The following EIF4G3 variants were observed in gnomAD, a reference collection of about 807,000 sequenced individuals.
EIF4G3 encodes eukaryotic translation initiation factor 4 gamma 3.
In EIF4G3, 34 loss-of-function variants were observed where a neutral mutation model predicts 186.4. That is an observed-to-expected ratio of 0.18 (90% CI 0.14 to 0.24). The LOEUF (loss-of-function observed/expected upper bound fraction) is 0.24, where lower values mean the gene tolerates loss of function less well. EIF4G3 is among the 10% of genes least tolerant of loss of function. EIF4G3 has a pLI of 1.00. For synonymous variants in EIF4G3, 673 were observed against 679.5 expected, an observed-to-expected ratio of 0.99 and a Z score of 0.15; for missense variants, 1,536 against 1,948.5, an observed-to-expected ratio of 0.79 and a Z score of 3.99.
chr1:21,074,131 T>C (rs2095519714), intron 3 of EIF4G3, among the ~76,000 whole-genome samples: 1 of 152,168 alleles, frequency 6.6e-6, no homozygotes. Context: ...TGAGAAAATC[T>C]AGATTCAAGT....
intron 20 of EIF4G3, among the ~76,000 whole-genome samples, chr1:20,877,537 AG>A (rs2154553853): frequency 6.6e-6 from 1 of 152,340 alleles, no homozygotes; most frequent in East Asian, 1.9e-4. Flanking sequence ...GCAACTTAGT[AG>A]GTGCTGAATA....
At chr1:21,041,101 GACT>G (rs2093552639) in intron 4 of EIF4G3, among the ~76,000 whole-genome samples, 1 of 151,896 alleles carries the variant, frequency 6.6e-6, no homozygotes, top group South Asian at 2.1e-4. Context: ...AATTTAATTC[GACT>G]ACATTTTAAT....
At chr1:20,835,408 TA>T (rs2066456625) in intron 30 of EIF4G3, among the ~76,000 whole-genome samples, 1 of 151,352 alleles carries the variant, frequency 6.6e-6, no homozygotes, top group Non-Finnish European at 1.5e-5. Context: ...AATAGACACT[TA>T]AAAAATGAAA....
rs1229792258 is a variant in EIF4G3, at chr1:20,969,509, T to C, written c.679A>G (p.Ile227Val). 5.6e-6 allele frequency: 9 copies of C among 1,613,840 alleles called. No homozygotes were observed. Among genetic ancestry groups the C allele is most frequent in the Non-Finnish European group, 7.6e-6 (9 of 1,179,900 alleles). Residue 227 changes from isoleucine (I) to valine (V), a missense_variant, in exon 12 of 37, where the codon ATA becomes GTA. Physicochemically the swap from Ile to Val is conservative, Grantham distance 29. Transcript: ENST00000602326. The part of the protein sequence containing the change: ...GGGSRNPTPP[I>V]GRPTSTPTPP... The stretch of plus-strand genomic sequence containing the variant: ...GTAGGTGTGGACGTGGGTCTTCCTA[T>C]GGGTGGAGTAGGATTTCTGCTGCCA...
chr1:20,819,954 CAGAG>C (rs888325470), intron 33 of EIF4G3, among the ~76,000 whole-genome samples: 1 of 151,906 alleles, frequency 6.6e-6, no homozygotes, highest in Admixed American at 6.6e-5. Flanking sequence ...GAGAGAGAGA[CAGAG>C]AGAGAGATAC....
chr1:20,843,574 T>C (rs2069523973), intron 29 of EIF4G3, among the ~76,000 whole-genome samples: 1 of 152,186 alleles, frequency 6.6e-6, no homozygotes, highest in Non-Finnish European at 1.5e-5. Context: ...ATGGAAGTGA[T>C]TAAATGTCTT....
At chr1:21,080,387 G>T (rs1223620908) in intron 3 of EIF4G3, among the ~76,000 whole-genome samples, 1 of 151,698 alleles carries the variant, frequency 6.6e-6, no homozygotes, top group Non-Finnish European at 1.5e-5. Flanking sequence ...TCTGTAGTCA[G>T]CTAAAATCAT....
At chr1:20,904,835 A>C in intron 15 of EIF4G3, 48 bp downstream of exon 15, 2 of 1,448,544 alleles carry the variant, frequency 1.4e-6, no homozygotes, top group South Asian at 1.2e-5. Context: ...ATACCTGTCT[A>C]TGAAATGGCA....
At chr1:21,017,078 GATGA>G (rs1311721193) in intron 4 of EIF4G3, among the ~76,000 whole-genome samples, 1 of 152,192 alleles carries the variant, frequency 6.6e-6, no homozygotes, top group African/African-American at 2.4e-5. Context: ...TTCACTGACA[GATGA>G]ATGGACAAGC....
chr1:21,015,209 T>C (rs2088581500), intron 4 of EIF4G3, among the ~76,000 whole-genome samples: 1 of 152,100 alleles, frequency 6.6e-6, no homozygotes, highest in Admixed American at 6.6e-5. Context: ...TGAAAAGTTA[T>C]TTGAAATAAT....
intron 14 of EIF4G3, among the ~76,000 whole-genome samples, chr1:20,909,413 A>T (rs2092813339): frequency 1.3e-5 from 2 of 152,204 alleles, no homozygotes; most frequent in Admixed American, 6.5e-5. Context: ...CAAGAATGAC[A>T]AACGTTACTG....
At chr1:20,904,845 A>G in intron 15 of EIF4G3, 38 bp downstream of exon 15, 1 of 1,513,748 alleles carries the variant, frequency 6.6e-7, no homozygotes, top group South Asian at 1.1e-5. Context: ...ATGAAATGGC[A>G]CCACTGCTCT....
At chr1:20,942,393 G>A in intron 13 of EIF4G3, 63 bp from the exon 14 acceptor site, 1 of 1,482,728 alleles carries the variant, frequency 6.7e-7, no homozygotes, top group Non-Finnish European at 9.0e-7. Context: ...ATTGCCTTGG[G>A]CCAATTCTTT....
At chr1:20,919,914 T>C (rs1003253793) in intron 14 of EIF4G3, among the ~76,000 whole-genome samples, 1 of 138,452 alleles carries the variant, frequency 7.2e-6, no homozygotes, top group Non-Finnish European at 1.6e-5. Flanking sequence ...GAGATAATTC[T>C]TTTTTTTTTT....
At chr1:21,156,741 C>T (rs1335992626) in intron 2 of EIF4G3, among the ~76,000 whole-genome samples, 8 of 151,954 alleles carry the variant, frequency 5.3e-5, no homozygotes, top group Non-Finnish European at 4.4e-5. Context: ...TTTTCATTTC[C>T]CTCTAGACAG....
At chr1:20,995,306 C>T (rs1406009517) in intron 7 of EIF4G3, among the ~76,000 whole-genome samples, 1 of 152,128 alleles carries the variant, frequency 6.6e-6, no homozygotes, top group African/African-American at 2.4e-5. Context: ...TTTTGATCAA[C>T]AGTCTTTAAA....
At chr1:21,128,555 C>T (rs2097094882) in intron 2 of EIF4G3, among the ~76,000 whole-genome samples, 1 of 152,098 alleles carries the variant, frequency 6.6e-6, no homozygotes, top group African/African-American at 2.4e-5. Context: ...TATAACTTTG[C>T]TTTGGTCATT....
intron 2 of EIF4G3, among the ~76,000 whole-genome samples, chr1:21,141,445 T>C (rs886671426): frequency 8.6e-5 from 13 of 150,410 alleles, no homozygotes; most frequent in Non-Finnish European, 7.4e-5. Context: ...AGATTTTTAT[T>C]TCAAAAGAAC....
At chr1:21,006,106 G>A (rs1362239008) in intron 4 of EIF4G3, among the ~76,000 whole-genome samples, 1 of 152,120 alleles carries the variant, frequency 6.6e-6, no homozygotes, top group Non-Finnish European at 1.5e-5. Flanking sequence ...CATTCTCTGT[G>A]GATGCCTTTA....
Sources: gnomAD v4.1 joint callset for allele counts (sites outside exome capture counted in the v4.1 genomes callset) on GRCh38, gnomAD v4.1.1 for gene constraint, MANE v1.5 for transcripts, NCBI Gene and HGNC (gene_info 2026-07-23, HGNC 2026-07-21) for gene names.